The following AUTS2 variants were observed in gnomAD, a reference collection of about 807,000 sequenced individuals.
The protein encoded by AUTS2 is activator of transcription and developmental regulator AUTS2.
AUTS2 carries 17 observed loss-of-function variants against 112.4 expected under a neutral mutation model. The observed-to-expected ratio is 0.15, with a 90% confidence interval of 0.10 to 0.23. AUTS2 has a LOEUF of 0.23. Ranked by LOEUF, AUTS2 falls within the 10% of genes least tolerant of loss-of-function variation. AUTS2 has a pLI of 1.00. For synonymous variants in AUTS2, 751 were observed against 702.7 expected (o/e 1.07, Z -1.09); for missense variants, 1,510 against 1,701.6 (o/e 0.89, Z 1.98).
At chr7:70,614,917 G>T (rs1161615843) in intron 5 of AUTS2, among the ~76,000 whole-genome samples, 1 of 152,208 alleles carries the variant, frequency 6.6e-6, no homozygotes. Flanking sequence ...AGCACCCCAG[G>T]CAGCCCAGCT....
intron 2 of AUTS2, 134 bp downstream of exon 2, chr7:69,899,632 G>T: frequency 1.3e-6 from 1 of 793,192 alleles, no homozygotes; most frequent in South Asian, 1.8e-5. Context: ...CAACAAAGCT[G>T]TGTGCGTGCC....
chr7:70,522,181 C>A (rs552398959), intron 5 of AUTS2, among the ~76,000 whole-genome samples: 3 of 152,226 alleles, frequency 2.0e-5, no homozygotes, highest in African/African-American at 7.2e-5. Context: ...TATACCTTTA[C>A]CTGGTTCCAT....
intron 5 of AUTS2, among the ~76,000 whole-genome samples, chr7:70,479,351 A>G (rs557572844): frequency 6.6e-6 from 1 of 152,304 alleles, no homozygotes; most frequent in East Asian, 1.9e-4. Flanking sequence ...TCTGAAGTCC[A>G]GCACCGCCCC....
intron 1 of AUTS2, among the ~76,000 whole-genome samples, chr7:69,685,477 C>T (rs1456025067): frequency 6.6e-6 from 1 of 152,126 alleles, no homozygotes; most frequent in Admixed American, 6.5e-5. Context: ...CCTGTTTGGC[C>T]ACCATCTAGT....
intron 2 of AUTS2, among the ~76,000 whole-genome samples, chr7:70,011,361 T>TCTCCTCTCCTCTCCTCTCCC (rs1440598437): frequency 1.9e-4 from 25 of 132,986 alleles, no homozygotes; most frequent in African/African-American, 7.0e-4. Flanking sequence ...TCTCCTCTCC[T>TCTCCTCTCCTCTCCTCTCCC]CTCCCTCATT....
intron 4 of AUTS2, among the ~76,000 whole-genome samples, chr7:70,319,628 C>A (rs899398218): frequency 1.3e-5 from 2 of 152,138 alleles, no homozygotes; most frequent in Non-Finnish European, 2.9e-5. Flanking sequence ...AAATTAGGGT[C>A]TCAGCCAACC....
chr7:70,695,253 G>C (rs1021325419), intron 5 of AUTS2, among the ~76,000 whole-genome samples: 5 of 152,148 alleles, frequency 3.3e-5, no homozygotes, highest in African/African-American at 9.6e-5. Context: ...GCCCGCCTTT[G>C]TACTTTCCTC....
chr7:70,579,960 G>A (rs1234085166), intron 5 of AUTS2, among the ~76,000 whole-genome samples: 3 of 152,160 alleles, frequency 2.0e-5, no homozygotes, highest in African/African-American at 7.2e-5. Context: ...CTGAGAAGCA[G>A]GCTGCTGTGA....
chr7:70,191,161 C>CTTT lies in AUTS2; in HGVS notation c.660+56613_660+56615dup, dbSNP rs34637651. Among the ~76,000 whole-genome samples, 609 of 86,440 alleles carry CTTT rather than the reference C, an allele frequency of 7.0e-3. 7 individuals are homozygous for CTTT. The highest frequency in any genetic ancestry group is 0.012 in the Middle Eastern group (1 of 82). The allele number at this position is 86,440 out of a possible 152,430, so 56.7% of individuals were successfully genotyped here. ...GCTTTCAAATGTCATCCACTTATTT[C>CTTT]TTTTTTTTTTTTTTTTTTTTTTTTT... On this transcript the variant is annotated intron_variant, in intron 4 of 18. Transcript: ENST00000342771.
intron 4 of AUTS2, among the ~76,000 whole-genome samples, chr7:70,135,060 A>G (rs1365480715): frequency 1.3e-5 from 2 of 152,144 alleles, no homozygotes; most frequent in Non-Finnish European, 2.9e-5. Flanking sequence ...GTTTGCCTTT[A>G]GGTTTTTCTT....
intron 5 of AUTS2, among the ~76,000 whole-genome samples, chr7:70,473,971 A>G (rs1212396888): frequency 6.6e-6 from 1 of 152,126 alleles, no homozygotes; most frequent in Non-Finnish European, 1.5e-5. Context: ...GTGGCAGAGG[A>G]GAGAGACTTC....
chr7:70,556,893 A>G (rs1014375079), intron 5 of AUTS2, among the ~76,000 whole-genome samples: 1 of 152,236 alleles, frequency 6.6e-6, no homozygotes, highest in East Asian at 1.9e-4. Flanking sequence ...ACTGGGTGTC[A>G]TCTTAAAAGT....
intron 2 of AUTS2, among the ~76,000 whole-genome samples, chr7:69,905,387 A>G (rs900895273): frequency 1.3e-5 from 2 of 152,160 alleles, no homozygotes; most frequent in Non-Finnish European, 2.9e-5. Flanking sequence ...ATTTGTTCAC[A>G]TGATTATGGG....
chr7:70,515,374 G>T (rs1799374137), intron 5 of AUTS2, among the ~76,000 whole-genome samples: 1 of 147,582 alleles, frequency 6.8e-6, no homozygotes, highest in Admixed American at 6.6e-5. Context: ...CTCCTAGGAG[G>T]ATTTCCAAGG....
At chr7:69,955,964 T>A (rs1797194680) in intron 2 of AUTS2, among the ~76,000 whole-genome samples, 1 of 152,152 alleles carries the variant, frequency 6.6e-6, no homozygotes, top group South Asian at 2.1e-4. Context: ...TGATTTCCAG[T>A]AGCTCCCACA....
At chr7:70,247,768 G>A (rs1306838014) in intron 4 of AUTS2, among the ~76,000 whole-genome samples, 1 of 151,980 alleles carries the variant, frequency 6.6e-6, no homozygotes, top group Admixed American at 6.6e-5. Flanking sequence ...AGTTACCTAT[G>A]ACATTCAATA....
intron 6 of AUTS2, among the ~76,000 whole-genome samples, chr7:70,711,488 T>C (rs920563530): frequency 2.0e-5 from 3 of 152,210 alleles, no homozygotes; most frequent in Non-Finnish European, 2.9e-5. Flanking sequence ...CTCGACATCC[T>C]GGGCTTCCAA....
intron 2 of AUTS2, among the ~76,000 whole-genome samples, chr7:70,032,038 C>T (rs1004723420): frequency 2.0e-5 from 3 of 152,068 alleles, no homozygotes; most frequent in African/African-American, 7.2e-5. Flanking sequence ...TCGGGGTTAA[C>T]GTTTCTGACT....
intron 4 of AUTS2, among the ~76,000 whole-genome samples, chr7:70,411,827 G>A (rs969920021): frequency 2.6e-5 from 4 of 151,990 alleles, no homozygotes; most frequent in Admixed American, 1.3e-4. Flanking sequence ...GGATATGAAC[G>A]AGGTGGTTTT....
Sources: gnomAD v4.1 joint callset for allele counts (sites outside exome capture counted in the v4.1 genomes callset) on GRCh38, gnomAD v4.1.1 for gene constraint, MANE v1.5 for transcripts, NCBI Gene and HGNC (gene_info 2026-07-23, HGNC 2026-07-21) for gene names.